The following MDGA2 variants were observed in gnomAD, a reference collection of about 807,000 sequenced individuals.
MDGA2 encodes MAM domain containing glycosylphosphatidylinositol anchor 2.
MDGA2 carries 40 observed loss-of-function variants against 117.8 expected under a neutral mutation model. That is an observed-to-expected ratio of 0.34 (90% CI 0.26 to 0.44). The LOEUF (loss-of-function observed/expected upper bound fraction) is 0.44. Among genes scored for constraint, MDGA2 ranks in the 20% least tolerant of loss-of-function variants. The pLI is 1.00. For missense variants in MDGA2, 1,123 were observed against 1,250.6 expected (o/e 0.90, Z 1.54); for synonymous variants, 452 against 439.0 (o/e 1.03, Z -0.37).
chr14:47,292,431 T>C (rs1016178033), intron 2 of MDGA2, among the ~76,000 whole-genome samples: 2 of 152,096 alleles, frequency 1.3e-5, no homozygotes, highest in African/African-American at 4.8e-5. Flanking sequence ...TAACCGTAGA[T>C]CAATCCACTT....
chr14:46,861,063 T>A (rs1187400306), intron 14 of MDGA2, among the ~76,000 whole-genome samples: 1 of 151,912 alleles, frequency 6.6e-6, no homozygotes, highest in Non-Finnish European at 1.5e-5. Context: ...CCAGACAATT[T>A]TTGAGGCTTC....
Position 47,561,158 on chromosome 14 carries a change from G to GTTTT in MDGA2, c.280+113355_280+113358dup, listed in dbSNP as rs200625450. On this transcript the variant is annotated intron_variant, in intron 1 of 16. Coordinates refer to ENST00000399232, the MANE Select transcript of MDGA2 (RefSeq NM_001113498.3). Reference sequence around the variant, plus strand: ...CTATCTTTGTTTTTTTTTTTGTTTTGTTTTGTTTTTTTGTTTGTTTGTTTT... The same window carrying GTTTT: ...CTATCTTTGTTTTTTTTTTTGTTTTGTTTTTTTTGTTTTTTTGTTTGTTTGTTTT... Among the ~76,000 whole-genome samples the GTTTT allele has an allele frequency of 5.6e-4, 31 of 55,078 alleles. 4 individuals are homozygous for GTTTT. Among genetic ancestry groups the GTTTT allele is most frequent in the East Asian group, 2.6e-3 (2 of 756 alleles). 36.1% of individuals were successfully genotyped at this position (55,078 alleles called of 152,430 possible).
At chr14:47,053,545 C>T (rs1456248297) in intron 7 of MDGA2, among the ~76,000 whole-genome samples, 1 of 148,114 alleles carries the variant, frequency 6.8e-6, no homozygotes, top group Non-Finnish European at 1.5e-5. Flanking sequence ...AATGGAAGAA[C>T]TCATCTAAGC....
intron 1 of MDGA2, among the ~76,000 whole-genome samples, chr14:47,333,058 T>C (rs1198498743): frequency 6.6e-6 from 1 of 151,962 alleles, no homozygotes; most frequent in Non-Finnish European, 1.5e-5. Flanking sequence ...TTGATGGGCA[T>C]TTAGGTTGAT....
At chr14:47,204,473 A>G (rs1319416852) in intron 3 of MDGA2, among the ~76,000 whole-genome samples, 1 of 152,068 alleles carries the variant, frequency 6.6e-6, no homozygotes, top group Non-Finnish European at 1.5e-5. Context: ...GAAAAAGTAT[A>G]TAATAATCAG....
At chr14:47,213,202 G>A (rs570170665) in intron 3 of MDGA2, among the ~76,000 whole-genome samples, 1 of 151,986 alleles carries the variant, frequency 6.6e-6, no homozygotes, top group Non-Finnish European at 1.5e-5. Context: ...AAATAGCCTG[G>A]CCATACAGAA....
At chr14:47,651,014 A>G (rs1897630239) in intron 1 of MDGA2, among the ~76,000 whole-genome samples, 1 of 152,158 alleles carries the variant, frequency 6.6e-6, no homozygotes, top group African/African-American at 2.4e-5. Context: ...TCAATGTTTA[A>G]TATTAGAAGC....
chr14:47,245,729 T>G (rs1282963694), intron 2 of MDGA2, among the ~76,000 whole-genome samples: 2 of 151,830 alleles, frequency 1.3e-5, no homozygotes, highest in Non-Finnish European at 2.9e-5. Flanking sequence ...TTATTCTTAT[T>G]TCTAATATTT....
At chr14:47,044,970 T>G (rs2138695038) in intron 7 of MDGA2, among the ~76,000 whole-genome samples, 1 of 152,266 alleles carries the variant, frequency 6.6e-6, no homozygotes, top group South Asian at 2.1e-4. Flanking sequence ...ATGGGGAGCA[T>G]GCAGTGCCAT....
At chr14:46,923,668 T>C (rs1884217957) in intron 9 of MDGA2, among the ~76,000 whole-genome samples, 1 of 136,098 alleles carries the variant, frequency 7.3e-6, no homozygotes, top group African/African-American at 3.0e-5. Flanking sequence ...GAGCCTACTG[T>C]GGAAAAGCTT....
intron 3 of MDGA2, among the ~76,000 whole-genome samples, chr14:47,158,483 C>CT (rs11390991): frequency 0.66 from 93,720 of 140,972 alleles, 31,550 homozygotes; most frequent in East Asian, 0.85. Context: ...TTATAGCAGC[C>CT]TTTTTTTTTT....
chr14:46,976,002 GTTTATTTTCAGAGAAAATGGTGA>G (rs961011146), intron 8 of MDGA2, among the ~76,000 whole-genome samples: 3 of 152,186 alleles, frequency 2.0e-5, no homozygotes, highest in South Asian at 2.1e-4. Context: ...CACGTTGGTG[GTTTATTTTCAGAGAAAATGGTGA>G]TTTATTTTCA....
At chr14:47,057,086 A>G (rs942977071) in intron 7 of MDGA2, among the ~76,000 whole-genome samples, 1 of 152,138 alleles carries the variant, frequency 6.6e-6, no homozygotes, top group African/African-American at 2.4e-5. Flanking sequence ...ATATCAATGA[A>G]TATCAGCCCT....
chr14:47,255,641 T>G (rs931758003), intron 2 of MDGA2, among the ~76,000 whole-genome samples: 10 of 152,174 alleles, frequency 6.6e-5, no homozygotes, highest in African/African-American at 2.4e-4. Context: ...TCACTGAAAT[T>G]AAATTTTTCA....
intron 15 of MDGA2, among the ~76,000 whole-genome samples, chr14:46,850,285 A>G (rs1881006952): frequency 6.6e-6 from 1 of 151,886 alleles, no homozygotes. Context: ...GATATAGATG[A>G]TGCTATAAAA....
At chr14:47,490,961 T>C (rs1384667521) in intron 1 of MDGA2, among the ~76,000 whole-genome samples, 2 of 152,060 alleles carry the variant, frequency 1.3e-5, no homozygotes, top group Admixed American at 1.3e-4. Flanking sequence ...TGTGACAAGA[T>C]TGCTGTCGAA....
intron 7 of MDGA2, among the ~76,000 whole-genome samples, chr14:47,046,506 T>G (rs980915415): frequency 6.7e-6 from 1 of 149,552 alleles, no homozygotes; most frequent in South Asian, 2.1e-4. Context: ...ATGTAAATGA[T>G]GAGTTAATGG....
intron 1 of MDGA2, among the ~76,000 whole-genome samples, chr14:47,312,840 C>G (rs1594789193): frequency 6.7e-6 from 1 of 148,614 alleles, no homozygotes; most frequent in African/African-American, 2.5e-5. Context: ...TATCACAGAA[C>G]CTTAGAATCT....
At chr14:47,269,100 G>A (rs1362074848) in intron 2 of MDGA2, among the ~76,000 whole-genome samples, 2 of 152,126 alleles carry the variant, frequency 1.3e-5, no homozygotes, top group Non-Finnish European at 1.5e-5. Context: ...TTTAAGTACA[G>A]TAGTTAGGTT....
Sources: allele counts gnomAD v4.1 joint callset (sites outside exome capture counted in the v4.1 genomes callset), GRCh38; gene constraint gnomAD v4.1.1; transcripts MANE v1.5; gene names NCBI Gene and HGNC (gene_info 2026-07-23, HGNC 2026-07-21).